Variants in UTRN observed in about 807,000 individuals in gnomAD.
The protein encoded by UTRN is dystrophin-related protein 1.
A neutral mutation model predicts 463.9 loss-of-function variants in UTRN; 283 were observed. That is an observed-to-expected ratio of 0.61 (90% CI 0.55 to 0.67). UTRN has a LOEUF of 0.67. Among genes scored for constraint, UTRN ranks in the 30% least tolerant of loss-of-function variants. UTRN has a pLI of 0.00. For missense variants in UTRN, 3,922 were observed against 4,084.3 expected, an observed-to-expected ratio of 0.96 and a Z score of 1.08; for synonymous variants, 1,442 against 1,431.5, an observed-to-expected ratio of 1.01 and a Z score of -0.17.
chr6:144,750,456 A>G (rs1390588326), intron 55 of UTRN, among the ~76,000 whole-genome samples: 1 of 152,000 alleles, frequency 6.6e-6, no homozygotes, highest in East Asian at 1.9e-4. Context: ...AATATTTCTT[A>G]CTTTACACAT....
chr6:144,407,807 G>T (rs577210717), intron 3 of UTRN, among the ~76,000 whole-genome samples: 8 of 152,316 alleles, frequency 5.3e-5, no homozygotes, highest in Middle Eastern at 3.4e-3. Flanking sequence ...ATATCATGGA[G>T]TATACAGTGC....
chr6:144,676,497 G>A (rs1334583780), intron 51 of UTRN, among the ~76,000 whole-genome samples: 1 of 151,374 alleles, frequency 6.6e-6, no homozygotes, highest in African/African-American at 2.4e-5. Flanking sequence ...TATGCTTTTG[G>A]AAGTATTTTT....
intron 19 of UTRN, 24 bp from the exon 20 acceptor site, chr6:144,458,746 T>A: frequency 1.3e-6 from 2 of 1,558,260 alleles, no homozygotes; most frequent in South Asian, 2.5e-5. Flanking sequence ...ATAGACTGTT[T>A]GCTTGTTTTT....
intron 7 of UTRN, 37 bp downstream of exon 7, chr6:144,426,496 A>G: frequency 6.4e-7 from 1 of 1,573,722 alleles, no homozygotes; most frequent in East Asian, 2.3e-5. Flanking sequence ...GGCTTTACAA[A>G]TTCATGTCTC....
intron 51 of UTRN, among the ~76,000 whole-genome samples, chr6:144,611,636 T>C (rs1805538595): frequency 6.6e-6 from 1 of 152,122 alleles, no homozygotes; most frequent in Non-Finnish European, 1.5e-5. Flanking sequence ...TACTTAGGTA[T>C]AAATTTAAAT....
intron 51 of UTRN, among the ~76,000 whole-genome samples, chr6:144,624,824 T>G (rs75726455): frequency 0.043 from 6,611 of 152,226 alleles, 491 homozygotes; most frequent in African/African-American, 0.15. Context: ...AGATTAAAAA[T>G]CAATGCTTGA....
chr6:144,763,487 T>G (rs1792936145), intron 58 of UTRN, among the ~76,000 whole-genome samples: 1 of 151,956 alleles, frequency 6.6e-6, no homozygotes, highest in Non-Finnish European at 1.5e-5. Flanking sequence ...GGGGAGCGAG[T>G]AGTTGATCTT....
rs1779924760 is a variant in UTRN, at chr6:144,370,905, T to A, written c.80-32218T>A. Among the ~76,000 whole-genome samples the A allele has an allele frequency of 2.0e-5, 3 of 152,188 alleles. No homozygotes were observed. In the South Asian group the frequency reaches 6.2e-4, roughly 31 times the overall value. ...ATGGGGCCTGTATTCGTACTGAAAA[T>A]CAAGATCAAGTGAGCTTTTGCCCTT... On this transcript the variant is annotated intron_variant, in intron 2 of 74. Transcript: ENST00000367545.
intron 53 of UTRN, chr6:144,708,148 A>C: frequency 6.6e-6 from 3 of 453,548 alleles, no homozygotes; most frequent in Non-Finnish European, 1.3e-5. Context: ...TCAGTGTCTG[A>C]TCATTTGATA....
intron 2 of UTRN, among the ~76,000 whole-genome samples, chr6:144,364,620 G>C (rs1779357634): frequency 6.6e-6 from 1 of 152,174 alleles, no homozygotes; most frequent in South Asian, 2.1e-4. Context: ...GTTTCATTTT[G>C]TGATTGTTTC....
chr6:144,683,731 C>T (rs530124588), intron 52 of UTRN, among the ~76,000 whole-genome samples: 5 of 152,216 alleles, frequency 3.3e-5, no homozygotes, highest in African/African-American at 1.2e-4. Flanking sequence ...CCTCATTTTC[C>T]TCACCTAGCA....
At chr6:144,654,375 T>G (rs1386987892) in intron 51 of UTRN, among the ~76,000 whole-genome samples, 1 of 152,220 alleles carries the variant, frequency 6.6e-6, no homozygotes, top group Non-Finnish European at 1.5e-5. Flanking sequence ...GAACTTCCTC[T>G]GTGTTTACCC....
intron 2 of UTRN, among the ~76,000 whole-genome samples, chr6:144,358,437 G>A (rs1318943341): frequency 6.6e-6 from 1 of 152,204 alleles, no homozygotes; most frequent in Non-Finnish European, 1.5e-5. Context: ...AGTGAGCCAT[G>A]AAATAAGTAA....
intron 51 of UTRN, among the ~76,000 whole-genome samples, chr6:144,586,773 A>G (rs988262768): frequency 3.9e-5 from 6 of 152,254 alleles, no homozygotes; most frequent in African/African-American, 1.2e-4. Context: ...AGATTGGGAT[A>G]TGAACATTAT....
chr6:144,646,107 A>G (rs1778275316), intron 51 of UTRN, among the ~76,000 whole-genome samples: 1 of 152,160 alleles, frequency 6.6e-6, no homozygotes, highest in African/African-American at 2.4e-5. Context: ...CTGTATACTT[A>G]CTTAACAGTT....
chr6:144,394,705 C>G (rs1231712117), intron 2 of UTRN, among the ~76,000 whole-genome samples: 1 of 152,036 alleles, frequency 6.6e-6, no homozygotes, highest in Non-Finnish European at 1.5e-5. Flanking sequence ...GTATTGTTCT[C>G]TTTTTCTTTG....
intron 52 of UTRN, among the ~76,000 whole-genome samples, chr6:144,686,280 T>G (rs1478535098): frequency 6.6e-6 from 1 of 152,186 alleles, no homozygotes; most frequent in Non-Finnish European, 1.5e-5. Flanking sequence ...AATTTTGATT[T>G]TTAAAAATTA....
chr6:144,723,377 T>G (rs1787428819), intron 53 of UTRN, among the ~76,000 whole-genome samples: 1 of 152,224 alleles, frequency 6.6e-6, no homozygotes, highest in South Asian at 2.1e-4. Context: ...TTTGTAACAT[T>G]AAATACATAG....
intron 69 of UTRN, among the ~76,000 whole-genome samples, chr6:144,830,986 T>C (rs1418132433): frequency 6.6e-6 from 1 of 152,160 alleles, no homozygotes; most frequent in East Asian, 1.9e-4. Flanking sequence ...CAAATCAAGG[T>C]CTTTTTCTCT....
Sources: gnomAD v4.1 joint callset for allele counts (sites outside exome capture counted in the v4.1 genomes callset) on GRCh38, gnomAD v4.1.1 for gene constraint, MANE v1.5 for transcripts, NCBI Gene and HGNC (gene_info 2026-07-23, HGNC 2026-07-21) for gene names.